SUSD1: variants seen among roughly 807,000 people sequenced by gnomAD.
SUSD1 encodes the protein sushi domain-containing protein 1.
A neutral mutation model predicts 86.9 loss-of-function variants in SUSD1; 65 were observed. That is an observed-to-expected ratio of 0.75 (90% CI 0.61 to 0.92). SUSD1 has a LOEUF of 0.92. Among genes scored for constraint, SUSD1 ranks in the 40% least tolerant of loss-of-function variants. SUSD1 has a pLI of 0.00. For missense variants in SUSD1, 850 were observed against 929.7 expected, an observed-to-expected ratio of 0.91 and a Z score of 1.11; for synonymous variants, 346 against 350.0, an observed-to-expected ratio of 0.99 and a Z score of 0.13.
chr9:112,044,017 C>T (rs1313441348), intron 15 of SUSD1, among the ~76,000 whole-genome samples: 1 of 152,100 alleles, frequency 6.6e-6, no homozygotes, highest in African/African-American at 2.4e-5. Flanking sequence ...CCAGGCTGGT[C>T]TCGAACTCTT....
intron 1 of SUSD1, among the ~76,000 whole-genome samples, chr9:112,160,852 T>C (rs879651538): frequency 5.9e-5 from 9 of 151,570 alleles, no homozygotes; most frequent in Admixed American, 2.0e-4. Flanking sequence ...CTGCAAGGAG[T>C]AGTTAAATGC....
At chr9:112,157,816 C>CTT (rs1226073813) in intron 1 of SUSD1, among the ~76,000 whole-genome samples, 3 of 138,430 alleles carry the variant, frequency 2.2e-5, no homozygotes, top group African/African-American at 8.7e-5. Flanking sequence ...CAATGTCTTT[C>CTT]TTTCTTTCTT....
chr9:112,156,769 A>T (rs1274687745), intron 2 of SUSD1, among the ~76,000 whole-genome samples: 1 of 152,184 alleles, frequency 6.6e-6, no homozygotes, highest in Non-Finnish European at 1.5e-5. Flanking sequence ...GGCTGTATAT[A>T]CCATCTATCC....
At chr9:112,152,773 T>G (rs10981285) in intron 2 of SUSD1, among the ~76,000 whole-genome samples, 3 of 136,162 alleles carry the variant, frequency 2.2e-5, no homozygotes, top group East Asian at 2.2e-4. Context: ...TTTTTTTTTG[T>G]AAACAGGGTC....
rs867275427 is a variant in SUSD1, at chr9:112,114,311, C to T, written c.887-1443G>A. On this transcript the variant is annotated intron_variant, in intron 6 of 16. Transcript: ENST00000374270. ...CAGCCTGGCTAACATGGCAAAACCC[C>T]GTCTCTACTAAAAATACAAAAATTA... Among the ~76,000 whole-genome samples, 6 of 152,034 alleles carry T rather than the reference C, an allele frequency of 3.9e-5. No homozygotes were observed. In the South Asian group the frequency reaches 6.2e-4, roughly 16 times the overall value.
chr9:112,049,129 T>A (rs1344262475), intron 15 of SUSD1, among the ~76,000 whole-genome samples: 1 of 152,138 alleles, frequency 6.6e-6, no homozygotes, highest in Non-Finnish European at 1.5e-5. Context: ...TTGCCCGTCA[T>A]CCCTGCTACA....
Position 112,041,287 on chromosome 9 carries a change from T to C in SUSD1, c.*205A>G. Reference sequence around the variant, plus strand: ...TCCTGTAGCAGGGAAGACTCAGAATTCCTGAGTTTTCTCCTTATGGTGACT... The same window carrying C: ...TCCTGTAGCAGGGAAGACTCAGAATCCCTGAGTTTTCTCCTTATGGTGACT... On this transcript the variant is annotated 3_prime_UTR_variant, in exon 17 of 17. Transcript: ENST00000374270. 3.2e-6 allele frequency: 2 copies of C among 621,524 alleles called. No homozygotes were observed. Among genetic ancestry groups the C allele is most frequent in the Non-Finnish European group, 5.7e-6 (2 of 348,448 alleles). The allele number at this position is 621,524 out of a possible 1,614,324, so 38.5% of individuals were successfully genotyped here.
intron 8 of SUSD1, among the ~76,000 whole-genome samples, chr9:112,105,466 C>T (rs918643268): frequency 5.3e-5 from 8 of 152,198 alleles, no homozygotes; most frequent in Admixed American, 2.6e-4. Context: ...CGCCTGTAAT[C>T]CCAGCACTTT....
At chr9:112,049,394 G>A (rs548939265) in intron 15 of SUSD1, among the ~76,000 whole-genome samples, 2 of 152,318 alleles carry the variant, frequency 1.3e-5, no homozygotes, top group South Asian at 4.1e-4. Flanking sequence ...AGATCCCAGA[G>A]AGAGGGCGAC....
intron 1 of SUSD1, among the ~76,000 whole-genome samples, chr9:112,165,922 A>AAAG (rs1554777735): frequency 0.098 from 7,662 of 78,064 alleles, 447 homozygotes; most frequent in African/African-American, 0.13. Context: ...AGGAAGAAAG[A>AAAG]AAAGAAAGAA....
chr9:112,173,908 T>C (rs919132145), intron 1 of SUSD1: 4 of 262,584 alleles, frequency 1.5e-5, no homozygotes, highest in South Asian at 1.3e-4. Flanking sequence ...CCGGGTTTCA[T>C]GATGCCGTTT....
intron 6 of SUSD1, among the ~76,000 whole-genome samples, chr9:112,120,941 C>T (rs1026805189): frequency 2.0e-5 from 3 of 152,210 alleles, no homozygotes; most frequent in African/African-American, 4.8e-5. Flanking sequence ...TGTTCTGTGT[C>T]GGGAATACTT....
chr9:112,161,782 A>T (rs921114271), intron 1 of SUSD1, among the ~76,000 whole-genome samples: 2 of 149,488 alleles, frequency 1.3e-5, no homozygotes, highest in African/African-American at 5.0e-5. Context: ...AGATTGTGCC[A>T]CTGCACTCCA....
At chr9:112,074,478 T>C (rs1033296860) in intron 12 of SUSD1, among the ~76,000 whole-genome samples, 3 of 152,162 alleles carry the variant, frequency 2.0e-5, no homozygotes, top group Admixed American at 2.0e-4. Context: ...AACACTTGCC[T>C]CTGTCCCTCA....
intron 10 of SUSD1, among the ~76,000 whole-genome samples, chr9:112,084,805 C>A (rs1395368611): frequency 3.9e-5 from 6 of 152,142 alleles, no homozygotes; most frequent in Non-Finnish European, 7.4e-5. Context: ...TCTCTTTTCT[C>A]CACCCGCTGG....
At chr9:112,082,634 C>G (rs528738890) in intron 10 of SUSD1, among the ~76,000 whole-genome samples, 1 of 152,296 alleles carries the variant, frequency 6.6e-6, no homozygotes, top group Admixed American at 6.5e-5. Context: ...CTACTGACAC[C>G]TTGATTACAG....
chr9:112,145,277 CCTTTTT>C (rs1564337125), intron 3 of SUSD1, among the ~76,000 whole-genome samples: 2 of 125,210 alleles, frequency 1.6e-5, no homozygotes, highest in Non-Finnish European at 1.7e-5. Flanking sequence ...ACCATAATTT[CCTTTTT>C]TTTTTTTTTT....
At chr9:112,131,327 G>A (rs925239649) in intron 5 of SUSD1, among the ~76,000 whole-genome samples, 5 of 152,156 alleles carry the variant, frequency 3.3e-5, no homozygotes, top group South Asian at 4.1e-4. Context: ...AGTCTGGAAG[G>A]GTTCGATGAC....
At position 112,100,127 on chromosome 9, in the gene SUSD1, CT is replaced by C. The variant is rs796350535; in HGVS notation, c.1282-1466del. Among the ~76,000 whole-genome samples, 81 of 152,314 alleles carry C rather than the reference CT, an allele frequency of 5.3e-4. 2 individuals are homozygous for C. The highest frequency in any genetic ancestry group is 1.9e-3 in the African/African-American group (78 of 41,576). ...TTAGCAAACCGCTTTTAAATATTGA[CT>C]TTTTTCCAGTCAATTTAAAAGTGTT... On this transcript the variant is annotated intron_variant, in intron 9 of 16. Transcript: ENST00000374270.
Sources: gnomAD v4.1 joint callset for allele counts (sites outside exome capture counted in the v4.1 genomes callset) on GRCh38, gnomAD v4.1.1 for gene constraint, MANE v1.5 for transcripts, NCBI Gene and HGNC (gene_info 2026-07-23, HGNC 2026-07-21) for gene names.